The following ATP8B4 variants were observed in gnomAD, a reference collection of about 807,000 sequenced individuals.
The protein encoded by ATP8B4 is ATPase phospholipid transporting 8B4 (putative), also known as probable phospholipid-transporting ATPase IM.
Under a neutral mutation model 145.6 loss-of-function variants are expected in ATP8B4, and 133 were observed. That is an observed-to-expected ratio of 0.91 (90% CI 0.79 to 1.05). The LOEUF is 1.05. ATP8B4 is among the 50% of genes least tolerant of loss of function. The probability of loss-of-function intolerance (pLI) is 0.00; values close to 1 mark genes in which losing one functional copy is unlikely to be tolerated. For synonymous variants in ATP8B4, 507 were observed against 492.9 expected, an observed-to-expected ratio of 1.03 and a Z score of -0.38; for missense variants, 1,458 against 1,425.2, an observed-to-expected ratio of 1.02 and a Z score of -0.37.
At chr15:50,009,532 C>G (rs2048566990) in intron 7 of ATP8B4, 1 of 360,012 alleles carries the variant, frequency 2.8e-6, no homozygotes, top group Admixed American at 3.8e-5. Context: ...AAAGTCTTTA[C>G]TGTCACTGAA....
intron 1 of ATP8B4, among the ~76,000 whole-genome samples, chr15:50,180,717 C>T (rs2044833341): frequency 6.6e-6 from 1 of 152,152 alleles, no homozygotes; most frequent in Admixed American, 6.5e-5. Context: ...GTTAATTCTA[C>T]TGCTTTCTCC....
intron 13 of ATP8B4, among the ~76,000 whole-genome samples, chr15:49,963,011 A>G (rs1367653380): frequency 6.6e-6 from 1 of 152,214 alleles, no homozygotes; most frequent in Non-Finnish European, 1.5e-5. Flanking sequence ...TTTGCAATCT[A>G]TCCATCTGAC....
chr15:50,083,251 C>T (rs537973090), intron 2 of ATP8B4, among the ~76,000 whole-genome samples: 1 of 152,252 alleles, frequency 6.6e-6, no homozygotes, highest in African/African-American at 2.4e-5. Context: ...ACTAAGAATA[C>T]TCCTGTTCAA....
intron 20 of ATP8B4, among the ~76,000 whole-genome samples, chr15:49,904,290 T>A (rs1044473974): frequency 6.6e-6 from 1 of 152,142 alleles, no homozygotes; most frequent in Non-Finnish European, 1.5e-5. Flanking sequence ...TTGATTTGAA[T>A]TCCCAGTTCC....
intron 3 of ATP8B4, among the ~76,000 whole-genome samples, chr15:50,070,718 G>C (rs890177557): frequency 6.6e-6 from 1 of 151,984 alleles, no homozygotes; most frequent in Non-Finnish European, 1.5e-5. Flanking sequence ...ATTTTATCTT[G>C]GTTTTTTGTG....
chr15:50,101,388 G>A (rs890302863), intron 2 of ATP8B4, among the ~76,000 whole-genome samples: 1 of 151,982 alleles, frequency 6.6e-6, no homozygotes, highest in African/African-American at 2.4e-5. Context: ...AGGTAATGGG[G>A]TGGAAAAAGA....
rs1229518619 is a variant in ATP8B4 at position 50,119,148 on chromosome 15, C to T, written c.-68G>A. 6.6e-6 allele frequency: 1 copy of T among 152,202 alleles called. No homozygotes were observed. 9.4% of individuals were successfully genotyped at this position (152,202 alleles called of 1,614,324 possible). A position where few individuals can be genotyped will look rare whatever the true frequency, so the allele number is the denominator to read the frequency against. On this transcript the variant is annotated 5_prime_UTR_variant, in exon 1 of 28. Coordinates refer to ENST00000284509, the MANE Select transcript of ATP8B4 (RefSeq NM_024837.4). ...CTCAACCCAGACTTAATCCTCTCCCCCAAAAGGAAGATTTCTCAGCAGTGC... is the reference window on the plus strand; with the variant it reads ...CTCAACCCAGACTTAATCCTCTCCCTCAAAAGGAAGATTTCTCAGCAGTGC...
intron 2 of ATP8B4, among the ~76,000 whole-genome samples, chr15:50,100,146 T>C (rs1051761192): frequency 6.6e-6 from 1 of 152,106 alleles, no homozygotes; most frequent in Non-Finnish European, 1.5e-5. Context: ...GGCTGGCTTG[T>C]CAAATTTTCA....
intron 3 of ATP8B4, among the ~76,000 whole-genome samples, chr15:50,057,794 A>G (rs542543384): frequency 1.3e-5 from 2 of 152,344 alleles, no homozygotes; most frequent in South Asian, 4.1e-4. Flanking sequence ...GAGCTAGTAA[A>G]TGGCCTAGGA....
chr15:50,097,241 A>G (rs2056047378), intron 2 of ATP8B4, among the ~76,000 whole-genome samples: 1 of 152,186 alleles, frequency 6.6e-6, no homozygotes, highest in South Asian at 2.1e-4. Flanking sequence ...CTATAAGGAT[A>G]GGTTCCATAT....
intron 2 of ATP8B4, among the ~76,000 whole-genome samples, chr15:50,095,970 G>A (rs535818326): frequency 4.7e-4 from 72 of 152,196 alleles, no homozygotes; most frequent in South Asian, 2.1e-4. Flanking sequence ...CTATTAGATC[G>A]AAATCAGCAA....
At chr15:50,035,449 T>C (rs1440900987) in intron 6 of ATP8B4, among the ~76,000 whole-genome samples, 1 of 152,136 alleles carries the variant, frequency 6.6e-6, no homozygotes, top group Non-Finnish European at 1.5e-5. Flanking sequence ...ACTTGACACA[T>C]TGCATCATGA....
At chr15:49,915,061 G>C (rs771733100) in intron 20 of ATP8B4, among the ~76,000 whole-genome samples, 3 of 152,054 alleles carry the variant, frequency 2.0e-5, no homozygotes, top group African/African-American at 4.8e-5. Flanking sequence ...ATCAACCCAA[G>C]TGTCCATAAA....
intron 14 of ATP8B4, among the ~76,000 whole-genome samples, chr15:49,942,014 G>C (rs1213088320): frequency 6.6e-6 from 1 of 152,104 alleles, no homozygotes; most frequent in Non-Finnish European, 1.5e-5. Context: ...ATATAGAGTG[G>C]TGTAACAGAC....
At chr15:49,916,812 C>A in intron 20 of ATP8B4, 122 bp downstream of exon 20, 1 of 850,498 alleles carries the variant, frequency 1.2e-6, no homozygotes, top group Non-Finnish European at 1.7e-6. Context: ...GCACAAAGAA[C>A]TTTATACTAA....
chr15:50,064,531 T>C (rs994633046), intron 3 of ATP8B4, among the ~76,000 whole-genome samples: 1 of 152,190 alleles, frequency 6.6e-6, no homozygotes, highest in Non-Finnish European at 1.5e-5. Flanking sequence ...AGTCATGCAA[T>C]AGACACAGAT....
At chr15:50,146,346 G>A (rs1000872975) in intron 1 of ATP8B4, among the ~76,000 whole-genome samples, 2 of 152,096 alleles carry the variant, frequency 1.3e-5, no homozygotes, top group Non-Finnish European at 2.9e-5. Flanking sequence ...CACCAGGCTG[G>A]GAGGACTGTT....
chr15:49,908,007 C>G, intron 20 of ATP8B4: 1 of 455,754 alleles, frequency 2.2e-6, no homozygotes, highest in Non-Finnish European at 4.4e-6. Flanking sequence ...GATTCACATC[C>G]CACCTGAACC....
intron 5 of ATP8B4, among the ~76,000 whole-genome samples, chr15:50,039,843 A>G (rs118186615): frequency 0.01 from 1,531 of 152,360 alleles, 13 homozygotes; most frequent in Non-Finnish European, 0.017. Flanking sequence ...TGCTATGCCC[A>G]GTACATACAA....
Sources: allele counts gnomAD v4.1 joint callset (sites outside exome capture counted in the v4.1 genomes callset), GRCh38; gene constraint gnomAD v4.1.1; transcripts MANE v1.5; gene names NCBI Gene and HGNC (gene_info 2026-07-23, HGNC 2026-07-21).